Variants in SLCO4A1 observed in about 807,000 individuals in gnomAD.
SLCO4A1 encodes solute carrier organic anion transporter family member 4A1.
Under a neutral mutation model 64.6 loss-of-function variants are expected in SLCO4A1, and 51 were observed. The ratio of observed to expected loss-of-function variants is 0.79; its 90% CI spans 0.63 to 1.00. The LOEUF (loss-of-function observed/expected upper bound fraction) is 1.00, where lower values mean the gene tolerates loss of function less well. Among genes scored for constraint, SLCO4A1 ranks in the 50% least tolerant of loss-of-function variants. SLCO4A1 has a pLI of 0.00. For synonymous variants in SLCO4A1, 471 were observed against 444.9 expected (o/e 1.06, Z -0.74); for missense variants, 919 against 980.5 (o/e 0.94, Z 0.84).
In SLCO4A1 at chr20:62,657,075, G is replaced by A. The variant is rs139160569; in HGVS notation, c.621G>A (p.Thr207=). The A allele has an allele frequency of 1.1e-4, 173 of 1,602,480 alleles. No homozygotes were observed. The highest frequency in any genetic ancestry group is 1.7e-4 in the Middle Eastern group (1 of 6,040). Residue 207 remains threonine (T), a synonymous_variant, in exon 2 of 12, where the codon ACG becomes ACA. Coordinates refer to ENST00000217159, the MANE Select transcript of SLCO4A1 (RefSeq NM_016354.4). The part of the protein sequence containing the change: ...YEVELDAGVR[T]CPANPGAVCA... ...TGGAGTTGGACGCGGGTGTCAGGAC[G>A]TGCCCTGCCAACCCCGGCGCGGTGT...
At chr20:62,667,035 C>T (rs1986478196) in intron 7 of SLCO4A1, among the ~76,000 whole-genome samples, 1 of 152,240 alleles carries the variant, frequency 6.6e-6, no homozygotes, top group Non-Finnish European at 1.5e-5. Context: ...CTCGGCCCTG[C>T]CCTGCGGGCC....
At chr20:62,682,563 A>G (rs796171769) in intron 2 of SLCO4A1, among the ~76,000 whole-genome samples, 21 of 152,220 alleles carry the variant, frequency 1.4e-4, no homozygotes, top group African/African-American at 4.8e-4. Context: ...GGGACATTCC[A>G]TGAGTCTGCA....
Position 62,656,471 on chromosome 20 carries a change from TG to T in SLCO4A1, c.22del (p.Asp8ThrfsTer32). MPLHQ[L>X]GDKPLTFPSP... ...GGCGCGGAGATGCCCCTGCATCAGC[TG>T]GGGGACAAGCCGCTCACCTTCCCCA... On this transcript the variant is annotated frameshift_variant, in exon 2 of 12. Transcript: ENST00000217159. LOFTEE classifies it high-confidence loss of function. 2.0e-6 allele frequency: 3 copies of T among 1,497,922 alleles called. No homozygotes were observed. The highest frequency in any genetic ancestry group is 1.8e-6 in the Non-Finnish European group (2 of 1,123,562). 92.8% of individuals were successfully genotyped at this position (1,497,922 alleles called of 1,614,324 possible). A position where few individuals can be genotyped will look rare whatever the true frequency, so the allele number is the denominator to read the frequency against.
chr20:62,663,550 G>C (rs1165735591), intron 5 of SLCO4A1: 1 of 152,250 alleles, frequency 6.6e-6, no homozygotes, highest in Non-Finnish European at 1.5e-5. Flanking sequence ...ATTACTGTGG[G>C]CTGATGTGAG....
chr20:62,666,110 GC>G (rs1215512944), intron 6 of SLCO4A1: 6 of 22,442 alleles, frequency 2.7e-4, no homozygotes, highest in Admixed American at 4.1e-4. Context: ...GCCCCGCCCC[GC>G]CCCCCCGCTC....
rs903220070 is a variant in SLCO4A1 at position 62,661,802 on chromosome 20, T to G, written c.1121+627T>G. 2.6e-5 allele frequency among the ~76,000 whole-genome samples: 4 copies of G among 151,376 alleles called. No homozygotes were observed. The highest frequency in any genetic ancestry group is 5.9e-5 in the Non-Finnish European group (4 of 67,820). On this transcript the variant is annotated intron_variant, in intron 5 of 11. Transcript: ENST00000217159. The surrounding 1 kb of genome is among the most constrained non-coding windows in gnomAD (Gnocchi z 5.2). ...TCTGCTGAGTGTGGTCCGGCCTTGCTTTGCTGTCTTGCTGCACTGCTAGGG... is the reference window on the plus strand; with the variant it reads ...TCTGCTGAGTGTGGTCCGGCCTTGCGTTGCTGTCTTGCTGCACTGCTAGGG...
Position 62,661,070 on chromosome 20 carries a change from A to G in SLCO4A1, c.1016A>G (p.Gln339Arg). The G allele has an allele frequency of 7.2e-7, 1 of 1,395,768 alleles. No homozygotes were observed. Among genetic ancestry groups the G allele is most frequent in the Non-Finnish European group, 9.6e-7 (1 of 1,038,336 alleles). The allele number at this position is 1,395,768 out of a possible 1,614,324, so 86.5% of individuals were successfully genotyped here. The change falls in exon 5 of 12, where the codon CAG (glutamine) becomes CGG (arginine). Residue 339 changes from glutamine (Q) to arginine (R), a missense_variant. Physicochemically the swap from Gln to Arg is conservative, Grantham distance 43 (BLOSUM62 1). Coordinates refer to ENST00000217159, the MANE Select transcript of SLCO4A1 (RefSeq NM_016354.4). The surrounding 1 kb of genome is among the most constrained non-coding windows in gnomAD (Gnocchi z 5.2). Reference protein sequence around the residue: ...LGYPRQLPGSQRYAVMRAAEM... With the variant: ...LGYPRQLPGSRRYAVMRAAEM... ...TCACTCTGTGCCCTTCCAGGCTCCC[A>G]GCGCTACGCGGTCATGAGAGCGGCG...
intron 1 of SLCO4A1, chr20:62,650,211 G>C (rs1289478727): frequency 6.6e-6 from 1 of 152,320 alleles, no homozygotes; most frequent in East Asian, 1.9e-4. Flanking sequence ...CAAGTGGAAA[G>C]AAACTATAGG....
chr20:62,689,748 A>G (rs1315828422), downstream of SLCO4A1, among the ~76,000 whole-genome samples: 3 of 152,248 alleles, frequency 2.0e-5, no homozygotes, highest in African/African-American at 7.2e-5. Context: ...GCAGAGCTGT[A>G]GGGATCCTGC....
intron 1 of SLCO4A1, among the ~76,000 whole-genome samples, chr20:62,652,837 C>T (rs1266463647): frequency 2.0e-5 from 3 of 152,234 alleles, no homozygotes. Context: ...CTCAAACAGC[C>T]TCCCGGCAGT....
chr20:62,655,806 G>A (rs1391528740), intron 1 of SLCO4A1, among the ~76,000 whole-genome samples: 1 of 152,196 alleles, frequency 6.6e-6, no homozygotes, highest in Admixed American at 6.5e-5. Flanking sequence ...GCACGGAGAG[G>A]AGCTCCTTCC....
chr20:62,667,096 C>T (rs1037453746), intron 7 of SLCO4A1, among the ~76,000 whole-genome samples: 6 of 152,194 alleles, frequency 3.9e-5, no homozygotes, highest in African/African-American at 9.7e-5. Flanking sequence ...ACAAAGCAGC[C>T]GTTGTGGCAT....
chr20:62,652,959 G>A (rs1982875708), intron 1 of SLCO4A1, among the ~76,000 whole-genome samples: 1 of 152,242 alleles, frequency 6.6e-6, no homozygotes, highest in Non-Finnish European at 1.5e-5. Flanking sequence ...GCCAGACTGC[G>A]GGGGCTGCAT....
In SLCO4A1 at chr20:62,666,528, C is replaced by T. The variant is rs778601596; in HGVS notation, c.1425C>T (p.His475=). 5 of 1,613,292 alleles carry T rather than the reference C, an allele frequency of 3.1e-6. No homozygotes were observed. Among genetic ancestry groups the T allele is most frequent in the Admixed American group, 1.7e-5 (1 of 60,016 alleles). The change falls in exon 7 of 12, where the codon CAC becomes CAT. Residue 475 remains histidine (H), a synonymous_variant. Coordinates refer to ENST00000217159, the MANE Select transcript of SLCO4A1 (RefSeq NM_016354.4). The part of the protein sequence containing the change: ...SLLGILVFSL[H]CPSVPMAGVT... ...TGGGCATCCTCGTCTTCTCACTGCA[C>T]TGCCCCAGTGTGCCCATGGCGGGCG...
At position 62,667,969 on chromosome 20, in the gene SLCO4A1, C is replaced by T. The variant is rs771476889; in HGVS notation, c.1639-43C>T. On this transcript the variant is annotated intron_variant, in intron 8 of 11. Transcript: ENST00000217159. ...CCCCTGGACCCTGGGAAGGGGCCCC[C>T]GTGCCTTCCCCTTGTAATCGGAGCT... 47 of 1,613,644 alleles carry T rather than the reference C, an allele frequency of 2.9e-5. 1 individual carries two copies. The highest frequency in any genetic ancestry group is 2.3e-4 in the South Asian group (21 of 91,078).
At chr20:62,651,023 CTTTGGGAAATGCATGA>C (rs1421919500) in intron 1 of SLCO4A1, among the ~76,000 whole-genome samples, 1 of 152,190 alleles carries the variant, frequency 6.6e-6, no homozygotes, top group Non-Finnish European at 1.5e-5. Context: ...TGGAAACTTC[CTTTGGGAAATGCATGA>C]ATGTGGGACC....
chr20:62,658,233 G>A (rs1412451715), intron 2 of SLCO4A1, among the ~76,000 whole-genome samples: 1 of 152,258 alleles, frequency 6.6e-6, no homozygotes, highest in Non-Finnish European at 1.5e-5. Context: ...CCAGGCGGGT[G>A]TTGAGATCAC....
intron 3 of SLCO4A1, 95 bp from the exon 4 acceptor site, chr20:62,660,317 C>A: frequency 6.8e-7 from 1 of 1,463,054 alleles, no homozygotes; most frequent in Non-Finnish European, 9.2e-7. Flanking sequence ...CCCTGGAGGT[C>A]TGCCCGGAGG....
At chr20:62,667,962 G>C in intron 8 of SLCO4A1, 50 bp from the exon 9 acceptor site, 1 of 1,614,026 alleles carries the variant, frequency 6.2e-7, no homozygotes, top group Non-Finnish European at 8.5e-7. Context: ...CCCTGGGAAG[G>C]GGCCCCCGTG....
Sources: allele counts gnomAD v4.1 joint callset (sites outside exome capture counted in the v4.1 genomes callset), GRCh38; gene constraint gnomAD v4.1.1; non-coding constraint Gnocchi (gnomAD v3.1); transcripts MANE v1.5; gene names NCBI Gene and HGNC (gene_info 2026-07-23, HGNC 2026-07-21).